Variants in ARRB1 observed in about 807,000 individuals in gnomAD.
ARRB1 encodes the protein arrestin beta 1.
A neutral mutation model predicts 56.8 loss-of-function variants in ARRB1; 21 were observed. The observed-to-expected ratio is 0.37, with a 90% confidence interval of 0.26 to 0.53. ARRB1 has a LOEUF of 0.53. Ranked by LOEUF, ARRB1 falls within the 20% of genes least tolerant of loss-of-function variation. ARRB1 has a pLI of 0.88. For missense variants in ARRB1, 424 were observed against 553.7 expected, an observed-to-expected ratio of 0.77 and a Z score of 2.35; for synonymous variants, 210 against 218.6, an observed-to-expected ratio of 0.96 and a Z score of 0.35.
chr11:75,305,018 C>CTTTCT (rs1554978721), intron 1 of ARRB1, among the ~76,000 whole-genome samples: 29 of 86,728 alleles, frequency 3.3e-4, no homozygotes, highest in East Asian at 1.7e-3. Context: ...TTCTTTCTTT[C>CTTTCT]TTTTTTTTTT....
chr11:75,295,221 CAAAAAAA>C (rs34666904), intron 1 of ARRB1, among the ~76,000 whole-genome samples: 1 of 73,076 alleles, frequency 1.4e-5, no homozygotes, highest in African/African-American at 5.7e-5. Context: ...AACCCTGTCT[CAAAAAAA>C]AAAAAAAAAA....
At chr11:75,282,126 A>G (rs2140423903) in intron 5 of ARRB1, 105 bp from the exon 6 acceptor site, 2 of 1,211,356 alleles carry the variant, frequency 1.7e-6, no homozygotes, top group African/African-American at 1.5e-5. Context: ...CAAGGGCCCC[A>G]GGGGACAGGC....
chr11:75,351,557 G>GC (rs1471272811), intron 1 of ARRB1, 31 bp downstream of exon 1: 21 of 1,496,874 alleles, frequency 1.4e-5, no homozygotes, highest in Admixed American at 2.1e-5. Context: ...GCCCCCACGC[G>GC]CCCCCCGCCG....
At chr11:75,281,225 A>C in intron 6 of ARRB1, 83 bp from the exon 7 acceptor site, 1 of 1,313,754 alleles carries the variant, frequency 7.6e-7, no homozygotes, top group Non-Finnish European at 1.1e-6. Flanking sequence ...CATTTTACAA[A>C]CGAGGACACT....
intron 9 of ARRB1, 68 bp from the exon 10 acceptor site, chr11:75,276,979 C>G: frequency 1.3e-6 from 2 of 1,537,948 alleles, no homozygotes; most frequent in South Asian, 2.2e-5. Context: ...TCACAGGCGT[C>G]CCCGGGTTGG....
At chr11:75,289,193 T>C (rs544140579) in intron 2 of ARRB1, among the ~76,000 whole-genome samples, 40 of 152,270 alleles carry the variant, frequency 2.6e-4, no homozygotes, top group Non-Finnish European at 4.6e-4. Context: ...AGCCACAGTG[T>C]TCCCGTGACC....
At chr11:75,283,145 G>T in intron 5 of ARRB1, 142 bp downstream of exon 5, 1 of 848,556 alleles carries the variant, frequency 1.2e-6, no homozygotes, top group Non-Finnish European at 1.8e-6. Context: ...TAACACAGGT[G>T]ACAGTGCCCC....
At chr11:75,306,073 C>T (rs1050842449) in intron 1 of ARRB1, among the ~76,000 whole-genome samples, 16 of 152,146 alleles carry the variant, frequency 1.1e-4, no homozygotes, top group Admixed American at 8.5e-4. Flanking sequence ...TCTCAACCCT[C>T]ACAAGAAGCA....
intron 1 of ARRB1, among the ~76,000 whole-genome samples, chr11:75,328,361 G>A (rs769537107): frequency 6.6e-6 from 1 of 152,184 alleles, no homozygotes; most frequent in Non-Finnish European, 1.5e-5. Flanking sequence ...TGGGCATTTA[G>A]GCTGTCTGTT....
Position 75,281,989 on chromosome 11 carries a change from C to T in ARRB1, c.387G>A (p.Leu129=). 1 of 1,614,144 alleles carries T rather than the reference C, an allele frequency of 6.2e-7. No homozygotes were observed. Among genetic ancestry groups the T allele is most frequent in the African/African-American group, 1.3e-5 (1 of 75,038 alleles). The change falls in exon 6 of 16, where the codon CTG becomes CTA. Residue 129 remains leucine, a synonymous_variant. Transcript: ENST00000420843. The part of the protein sequence containing the change: ...IPPNLPCSVT[L]QPGPEDTGKA... ...TCCCCGTGTCTTCGGGCCCCGGCTG[C>T]AGTGTCACAGAACATGGAAGGTTTG...
chr11:75,312,555 C>T (rs1422905454), intron 1 of ARRB1, among the ~76,000 whole-genome samples: 2 of 152,162 alleles, frequency 1.3e-5, no homozygotes, highest in African/African-American at 4.8e-5. Context: ...CCGAGATGCC[C>T]ACATCCTAAT....
At chr11:75,275,673 G>A (rs1362066370) in intron 10 of ARRB1, among the ~76,000 whole-genome samples, 1 of 152,144 alleles carries the variant, frequency 6.6e-6, no homozygotes, top group East Asian at 1.9e-4. Context: ...AACAAGCCTT[G>A]GAGTCGGACG....
At chr11:75,288,566 A>C (rs1006281301) in intron 2 of ARRB1, among the ~76,000 whole-genome samples, 2 of 151,852 alleles carry the variant, frequency 1.3e-5, no homozygotes, top group African/African-American at 2.4e-5. Flanking sequence ...ACTCGCTGAG[A>C]GCCTGCTCTC....
Position 75,266,194 on chromosome 11 carries a change from C to G in ARRB1, c.1226G>C (p.Gly409Ala). 6.2e-7 allele frequency: 1 copy of G among 1,614,218 alleles called. No homozygotes were observed. The highest frequency in any genetic ancestry group is 8.5e-7 in the Non-Finnish European group (1 of 1,180,042). Residue 409 changes from glycine to alanine, a missense_variant, in exon 16 of 16, where the codon GGT (glycine) becomes GCT (alanine). Physicochemically the swap from Gly to Ala is moderately conservative, Grantham distance 60. Around this residue, in one of 3 missense-constraint regions of ARRB1, gnomAD observed 121 missense variants for 147.3 expected, o/e 0.82. Coordinates refer to ENST00000420843, the MANE Select transcript of ARRB1 (RefSeq NM_004041.5). Reference protein sequence around the residue: ...MKDDKEEEEDGTGSPQLNNR With the variant: ...MKDDKEEEEDATGSPQLNNR ...GTTGTTGAGCTGTGGAGAGCCGGTACCATCCTCCTCTTCCTCCTTGTCATC... is the reference window on the plus strand; with the variant it reads ...GTTGTTGAGCTGTGGAGAGCCGGTAGCATCCTCCTCTTCCTCCTTGTCATC...
chr11:75,327,344 T>C (rs1355920131), intron 1 of ARRB1, among the ~76,000 whole-genome samples: 1 of 150,552 alleles, frequency 6.6e-6, no homozygotes, highest in African/African-American at 2.4e-5. Flanking sequence ...ATAAAATGTA[T>C]TTTTTTGAAA....
At chr11:75,334,792 T>A (rs907306510) in intron 1 of ARRB1, among the ~76,000 whole-genome samples, 1 of 152,148 alleles carries the variant, frequency 6.6e-6, no homozygotes, top group East Asian at 1.9e-4. Flanking sequence ...CTCTAACCTA[T>A]GACAGATCTC....
chr11:75,306,840 G>A (rs1028164945), intron 1 of ARRB1: 4 of 384,582 alleles, frequency 1.0e-5, no homozygotes, highest in African/African-American at 6.4e-5. Context: ...CACTCTGCCT[G>A]TACACAGACG....
intron 4 of ARRB1, among the ~76,000 whole-genome samples, 153 bp downstream of exon 4, chr11:75,284,082 C>A (rs910216641): frequency 6.6e-6 from 1 of 152,080 alleles, no homozygotes; most frequent in Non-Finnish European, 1.5e-5. Flanking sequence ...GGGGCAGGGC[C>A]GTCCCAGGCT....
chr11:75,307,554 G>A (rs1947059320), intron 1 of ARRB1, among the ~76,000 whole-genome samples: 1 of 152,134 alleles, frequency 6.6e-6, no homozygotes, highest in African/African-American at 2.4e-5. Context: ...TGTCCTGGAG[G>A]ACAGGGCCAT....
Sources: gnomAD v4.1 joint callset for allele counts (sites outside exome capture counted in the v4.1 genomes callset) on GRCh38, gnomAD v4.1.1 for gene constraint, gnomAD v4.1.1 regional missense constraint, MANE v1.5 for transcripts, NCBI Gene and HGNC (gene_info 2026-07-23, HGNC 2026-07-21) for gene names.